The following CEP192 variants were observed in gnomAD, a reference collection of about 807,000 sequenced individuals.
CEP192 encodes the protein centrosomal protein of 192 kDa.
In CEP192, 151 loss-of-function variants were observed where a neutral mutation model predicts 271.8. The observed-to-expected ratio is 0.56, with a 90% CI of 0.49 to 0.64. The LOEUF (loss-of-function observed/expected upper bound fraction) is 0.64. Among genes scored for constraint, CEP192 ranks in the 30% least tolerant of loss-of-function variants. The probability of loss-of-function intolerance (pLI) is 0.00; values close to 1 mark genes in which losing one functional copy is unlikely to be tolerated. For missense variants in CEP192, 2,910 were observed against 3,020.5 expected, an observed-to-expected ratio of 0.96 and a Z score of 0.86; for synonymous variants, 995 against 1,076.5, an observed-to-expected ratio of 0.92 and a Z score of 1.48.
intron 28 of CEP192, among the ~76,000 whole-genome samples, chr18:13,071,418 C>G (rs1488914543): frequency 6.6e-6 from 1 of 152,182 alleles, no homozygotes; most frequent in Admixed American, 6.5e-5. Context: ...TGACGCATGA[C>G]CAACAATACA....
rs1200779669 is a variant in CEP192, at chr18:13,048,969, A to C, written c.2178A>C (p.Ser726=). 3 of 1,614,032 alleles carry C rather than the reference A, an allele frequency of 1.9e-6. No individual in the cohort carries two copies. In the Admixed American group the frequency reaches 5.0e-5, roughly 27 times the overall value. ...TTGCTTCAGCCATTGCAGAGGCATC[A>C]GTTAATACTGATCCTTCCCAACTTG... ...STIASAIAEA[S]VNTDPSQLAA... is the part of the protein sequence containing the mutation. Residue 726 remains serine, a synonymous_variant, in exon 16 of 45, where the codon TCA becomes TCC. Coordinates refer to ENST00000506447, the MANE Select transcript of CEP192 (RefSeq NM_032142.4).
At chr18:13,001,722 C>G (rs979766382) in intron 3 of CEP192, 140 bp downstream of exon 3, 1 of 898,780 alleles carries the variant, frequency 1.1e-6, no homozygotes, top group Non-Finnish European at 1.6e-6. Context: ...TATTTTGAGG[C>G]GGAGTTTCAC....
chr18:13,110,335 C>A (rs2040151711), intron 40 of CEP192, among the ~76,000 whole-genome samples: 1 of 152,010 alleles, frequency 6.6e-6, no homozygotes, highest in South Asian at 2.1e-4. Context: ...TACTACAAAG[C>A]CACATTACAC....
chr18:13,074,242 C>T (rs1470247751), intron 30 of CEP192, among the ~76,000 whole-genome samples: 1 of 152,194 alleles, frequency 6.6e-6, no homozygotes, highest in Non-Finnish European at 1.5e-5. Context: ...AGCTTTGACG[C>T]TGGAGCTTGA....
chr18:13,114,336 T>G, intron 42 of CEP192, 85 bp downstream of exon 42: 1 of 1,401,516 alleles, frequency 7.1e-7, no homozygotes, highest in South Asian at 1.3e-5. Flanking sequence ...TGACTTTACC[T>G]GAGTTCACAT....
At chr18:13,047,303 G>GTGGTCTCATCCC (rs2036537898) in intron 15 of CEP192, among the ~76,000 whole-genome samples, 2 of 152,046 alleles carry the variant, frequency 1.3e-5, no homozygotes, top group Admixed American at 1.3e-4. Flanking sequence ...GTATCCCTTT[G>GTGGTCTCATCCC]TGGTCTCATC....
chr18:13,010,919 G>A (rs2034310274), intron 4 of CEP192, among the ~76,000 whole-genome samples: 1 of 151,876 alleles, frequency 6.6e-6, no homozygotes, highest in African/African-American at 2.4e-5. Context: ...TAGACATCCA[G>A]GAAATGCAAT....
chr18:13,074,215 G>A (rs1165694745), intron 30 of CEP192, among the ~76,000 whole-genome samples: 1 of 152,200 alleles, frequency 6.6e-6, no homozygotes, highest in African/African-American at 2.4e-5. Flanking sequence ...TTAGAATTAG[G>A]TATGTATGAC....
In CEP192 at chr18:13,018,594, G is replaced by C; in HGVS notation, c.904G>C (p.Val302Leu). The C allele has an allele frequency of 6.5e-7, 1 of 1,537,046 alleles. No homozygotes were observed. ...TTHKESEESQ[V>L]ICLPGTSNSI... ...TCACAAAGAGTCTGAGGAAAGCCAA[G>C]TTATTTGTCTACCTGGGACTAGTAA... Residue 302 changes from valine to leucine, a missense_variant, in exon 8 of 45, where the codon GTT (valine) becomes CTT (leucine). Transcript: ENST00000506447.
At chr18:13,102,423 A>G (rs1021831258) in intron 38 of CEP192, among the ~76,000 whole-genome samples, 1 of 150,794 alleles carries the variant, frequency 6.6e-6, no homozygotes, top group Non-Finnish European at 1.5e-5. Context: ...CTCCACCATC[A>G]CCAGGTTAAG....
chr18:13,073,420 T>C (rs941752131), intron 30 of CEP192, among the ~76,000 whole-genome samples: 8 of 152,266 alleles, frequency 5.3e-5, no homozygotes, highest in Non-Finnish European at 1.2e-4. Flanking sequence ...AGTTTCATTT[T>C]AATTTGGAGA....
At chr18:13,099,118 G>A (rs1181860171) in intron 36 of CEP192, among the ~76,000 whole-genome samples, 3 of 147,090 alleles carry the variant, frequency 2.0e-5, no homozygotes, top group Non-Finnish European at 3.0e-5. Flanking sequence ...GCAGTGAGCC[G>A]AGATGGCAGC....
intron 36 of CEP192, among the ~76,000 whole-genome samples, chr18:13,099,050 C>T (rs369503895): frequency 3.3e-5 from 5 of 152,144 alleles, no homozygotes; most frequent in East Asian, 1.9e-4. Flanking sequence ...CGTGGCAGCG[C>T]GCGCCTGCAA....
intron 34 of CEP192, among the ~76,000 whole-genome samples, chr18:13,092,908 A>C (rs1358126803): frequency 6.6e-6 from 1 of 152,086 alleles, no homozygotes; most frequent in Non-Finnish European, 1.5e-5. Flanking sequence ...TAATCCCAGC[A>C]CTTTGGGAGG....
chr18:13,089,204 A>T, intron 32 of CEP192, among the ~76,000 whole-genome samples: 1 of 152,182 alleles, frequency 6.6e-6, no homozygotes, highest in East Asian at 1.9e-4. Context: ...GTAGGACCTG[A>T]AAAGAATCTA....
intron 11 of CEP192, among the ~76,000 whole-genome samples, chr18:13,035,912 A>G (rs2035891763): frequency 1.3e-5 from 2 of 152,180 alleles, no homozygotes; most frequent in South Asian, 4.1e-4. Context: ...TGGGAAGCCA[A>G]GGTGAGTGAA....
chr18:13,114,400 C>A, intron 42 of CEP192, 149 bp downstream of exon 42: 2 of 777,232 alleles, frequency 2.6e-6, no homozygotes, highest in South Asian at 1.9e-5. Flanking sequence ...CCAGAAAGTT[C>A]TTACGTGTCC....
At chr18:13,044,189 A>G (rs541214343) in intron 15 of CEP192, among the ~76,000 whole-genome samples, 2 of 152,276 alleles carry the variant, frequency 1.3e-5, no homozygotes, top group African/African-American at 4.8e-5. Context: ...AAATTTACTT[A>G]TTAACTCTAA....
At position 13,082,240 on chromosome 18, in the gene CEP192, A is replaced by G. The variant is rs187537858; in HGVS notation, c.5617-4777A>G. On this transcript the variant is annotated intron_variant, in intron 30 of 44. Coordinates refer to ENST00000506447, the MANE Select transcript of CEP192 (RefSeq NM_032142.4). The stretch of plus-strand genomic sequence containing the variant: ...TCCAATTATTATTGTCTGGGAGTCT[A>G]AGTCTCTTTGTAGGTCTCTGAGGAC... 8.0e-3 allele frequency among the ~76,000 whole-genome samples: 1,214 copies of G among 152,188 alleles called. 16 individuals carry two copies. Among genetic ancestry groups the G allele is most frequent in the South Asian group, 0.023 (111 of 4,814 alleles).
Sources: allele counts gnomAD v4.1 joint callset (sites outside exome capture counted in the v4.1 genomes callset), GRCh38; gene constraint gnomAD v4.1.1; transcripts MANE v1.5; gene names NCBI Gene and HGNC (gene_info 2026-07-23, HGNC 2026-07-21).